DESI2: variants seen among roughly 807,000 people sequenced by gnomAD.
DESI2 encodes the protein deubiquitinase DESI2.
DESI2 carries 10 observed loss-of-function variants against 24.1 expected under a neutral mutation model. The observed-to-expected ratio is 0.41, with a 90% CI of 0.26 to 0.70. The LOEUF (loss-of-function observed/expected upper bound fraction) is 0.70. Among genes scored for constraint, DESI2 ranks in the 30% least tolerant of loss-of-function variants. DESI2 has a pLI of 0.29. For synonymous variants in DESI2, 71 were observed against 87.7 expected, an observed-to-expected ratio of 0.81 and a Z score of 1.06; for missense variants, 122 against 234.9, an observed-to-expected ratio of 0.52 and a Z score of 3.14.
intron 2 of DESI2, among the ~76,000 whole-genome samples, chr1:244,688,873 G>A (rs919585623): frequency 7.2e-5 from 11 of 152,196 alleles, no homozygotes; most frequent in African/African-American, 2.7e-4. Context: ...AGTAAGATAT[G>A]TGTTTGAAAT....
chr1:244,662,250 GTTGT>G (rs1431378546), intron 1 of DESI2, among the ~76,000 whole-genome samples: 1 of 152,164 alleles, frequency 6.6e-6, no homozygotes, highest in Non-Finnish European at 1.5e-5. Context: ...TGTTGATGGG[GTTGT>G]TTGTTTTTTT....
intron 1 of DESI2, among the ~76,000 whole-genome samples, chr1:244,663,367 G>A (rs889797886): frequency 1.3e-5 from 2 of 151,808 alleles, no homozygotes; most frequent in African/African-American, 2.4e-5. Context: ...TAGTAGAGAC[G>A]GGGTTTCACC....
intron 1 of DESI2, among the ~76,000 whole-genome samples, chr1:244,664,574 T>C (rs1033703164): frequency 1.3e-5 from 2 of 152,240 alleles, no homozygotes; most frequent in Non-Finnish European, 2.9e-5. Flanking sequence ...GGCCCATGCC[T>C]GTGATTCCAG....
chr1:244,661,531 G>T (rs1406594870), intron 1 of DESI2, among the ~76,000 whole-genome samples: 3 of 152,000 alleles, frequency 2.0e-5, no homozygotes, highest in Admixed American at 6.6e-5. Flanking sequence ...TTCACATTAG[G>T]TATATCTCCT....
At chr1:244,695,446 G>C (rs1015293423) in intron 4 of DESI2, among the ~76,000 whole-genome samples, 1 of 152,200 alleles carries the variant, frequency 6.6e-6, no homozygotes, top group Admixed American at 6.5e-5. Context: ...AAGGTCAAGA[G>C]ATCAAGACCA....
rs1677765539 is a variant in DESI2, at chr1:244,707,721, A to ACG, written c.*1932_*1933insCG. 1 of 152,228 alleles carries ACG rather than the reference A, an allele frequency of 6.6e-6. No individual in the cohort carries two copies. The highest frequency in any genetic ancestry group is 6.5e-5 in the Admixed American group (1 of 15,280). 9.4% of individuals were successfully genotyped at this position (152,228 alleles called of 1,614,324 possible). The stretch of plus-strand genomic sequence containing the variant: ...AAACCTGGGCTACTGACACACACAC[A>ACG]GTAGCCATTAGTTAGACTCTTCTTA... On this transcript the variant is annotated 3_prime_UTR_variant, in exon 5 of 5. Coordinates refer to ENST00000302550, the MANE Select transcript of DESI2 (RefSeq NM_016076.5).
intron 1 of DESI2, chr1:244,654,095 G>A: frequency 2.2e-6 from 1 of 459,534 alleles, no homozygotes; most frequent in Non-Finnish European, 4.5e-6. Flanking sequence ...ATCTAACTTT[G>A]GAGTATGGCA....
At chr1:244,676,137 C>T (rs185881995) in intron 1 of DESI2, among the ~76,000 whole-genome samples, 40 of 151,380 alleles carry the variant, frequency 2.6e-4, no homozygotes, top group Middle Eastern at 3.4e-3. Context: ...AGTGCAGTGG[C>T]GCGATCTCAG....
rs1394512863 is a variant in DESI2, at chr1:244,705,547, C to T, written c.352-9C>T. The T allele has an allele frequency of 6.2e-7, 1 of 1,608,644 alleles. No individual in the cohort carries two copies. Among genetic ancestry groups the T allele is most frequent in the Non-Finnish European group, 8.5e-7 (1 of 1,175,020 alleles). ...TCTTACCTAATACAGAACTCTTTCT[C>T]TTCTGTAGATTCTTTGTGGGAAAGA... On this transcript the variant is annotated splice_polypyrimidine_tract_variant and intron_variant, in intron 4 of 4. Coordinates refer to ENST00000302550, the MANE Select transcript of DESI2 (RefSeq NM_016076.5).
At chr1:244,702,356 A>C (rs1677499250) in intron 4 of DESI2, among the ~76,000 whole-genome samples, 1 of 152,172 alleles carries the variant, frequency 6.6e-6, no homozygotes, top group African/African-American at 2.4e-5. Context: ...TCTACTAAAA[A>C]TACAAAAGTT....
intron 4 of DESI2, 25 bp from the exon 5 acceptor site, chr1:244,705,531 A>G: frequency 6.3e-7 from 1 of 1,596,350 alleles, no homozygotes; most frequent in Non-Finnish European, 8.6e-7. Context: ...CTCTTACCTA[A>G]TACAGAACTC....
chr1:244,694,199 C>A (rs540458863), intron 4 of DESI2, among the ~76,000 whole-genome samples: 2 of 152,318 alleles, frequency 1.3e-5, no homozygotes, highest in South Asian at 4.1e-4. Flanking sequence ...TCCTCTACAG[C>A]AGGGATTAGC....
intron 1 of DESI2, among the ~76,000 whole-genome samples, chr1:244,683,947 C>T (rs908963965): frequency 6.6e-6 from 1 of 151,604 alleles, no homozygotes; most frequent in Non-Finnish European, 1.5e-5. Context: ...TCAAGCTGTC[C>T]TCCCGCCTCA....
intron 1 of DESI2, among the ~76,000 whole-genome samples, chr1:244,657,904 C>T (rs1177216845): frequency 6.6e-6 from 1 of 152,134 alleles, no homozygotes; most frequent in African/African-American, 2.4e-5. Context: ...AGAATTGGCT[C>T]GTGTGCAACT....
chr1:244,670,469 A>T (rs1278669055), intron 1 of DESI2, among the ~76,000 whole-genome samples: 1 of 152,228 alleles, frequency 6.6e-6, no homozygotes, highest in Non-Finnish European at 1.5e-5. Context: ...TGAGGGAAGG[A>T]TCTTATTGCC....
intron 3 of DESI2, 54 bp from the exon 4 acceptor site, chr1:244,691,825 G>GACACAACTATGTCCTT: frequency 7.5e-7 from 1 of 1,339,554 alleles, no homozygotes; most frequent in South Asian, 1.6e-5. Context: ...ATAAATATTT[G>GACACAACTATGTCCTT]ACACAACTAT....
intron 1 of DESI2, among the ~76,000 whole-genome samples, chr1:244,678,627 A>G (rs1370305061): frequency 6.6e-6 from 1 of 152,230 alleles, no homozygotes; most frequent in East Asian, 1.9e-4. Flanking sequence ...TTACTGCTCA[A>G]CTGAAGAGAT....
At chr1:244,654,401 T>G (rs1239612495) in intron 1 of DESI2, among the ~76,000 whole-genome samples, 3 of 152,356 alleles carry the variant, frequency 2.0e-5, no homozygotes, top group East Asian at 3.9e-4. Context: ...TATACAGTTC[T>G]AAACTTTGTA....
chr1:244,673,549 G>A (rs978392281), intron 1 of DESI2, among the ~76,000 whole-genome samples: 1 of 152,214 alleles, frequency 6.6e-6, no homozygotes, highest in Non-Finnish European at 1.5e-5. Flanking sequence ...AATGCAGCCT[G>A]TAATTTAAGA....
Sources: gnomAD v4.1 joint callset for allele counts (sites outside exome capture counted in the v4.1 genomes callset) on GRCh38, gnomAD v4.1.1 for gene constraint, MANE v1.5 for transcripts, NCBI Gene and HGNC (gene_info 2026-07-23, HGNC 2026-07-21) for gene names.